The following DLGAP2 variants were observed in gnomAD, a reference collection of about 807,000 sequenced individuals.
DLGAP2 encodes DLG associated protein 2.
In DLGAP2, 26 loss-of-function variants were observed where a neutral mutation model predicts 100.3. The observed-to-expected ratio is 0.26, with a 90% CI of 0.19 to 0.36. DLGAP2 has a LOEUF of 0.36. Ranked by LOEUF, DLGAP2 falls within the 10% of genes least tolerant of loss-of-function variation. The pLI is 1.00. For missense variants in DLGAP2, 1,858 were observed against 1,453.2 expected (o/e 1.28, Z -4.53); for synonymous variants, 886 against 630.1 (o/e 1.41, Z -6.08).
rs998177282 is a variant in DLGAP2 at position 1,544,053 on chromosome 8, C to T, written c.173-4573C>T. On this transcript the variant is annotated intron_variant, in intron 4 of 14. Coordinates refer to ENST00000637795, the MANE Select transcript of DLGAP2 (RefSeq NM_001346810.2). ...AAGTAACTGGGACTACATGTGCCTA[C>T]TACTATGCCTGGCTAATTTTTGTAT... Among the ~76,000 whole-genome samples the T allele has an allele frequency of 2.6e-5, 4 of 152,088 alleles. No homozygotes were observed. In the South Asian group the frequency reaches 6.2e-4, roughly 24 times the overall value.
intron 3 of DLGAP2, among the ~76,000 whole-genome samples, chr8:1,440,521 G>A (rs544983961): frequency 6.6e-6 from 1 of 152,342 alleles, no homozygotes; most frequent in East Asian, 1.9e-4. Flanking sequence ...AGTCTGAGTG[G>A]AATCTGTTAG....
intron 2 of DLGAP2, among the ~76,000 whole-genome samples, chr8:1,204,020 A>G (rs916768400): frequency 2.6e-5 from 4 of 152,232 alleles, no homozygotes; most frequent in African/African-American, 4.8e-5. Flanking sequence ...AGTGCTCTTG[A>G]AACTTCAATG....
Position 796,250 on chromosome 8 carries a change from C to G in DLGAP2, c.18+58425C>G, listed in dbSNP as rs181468093. Among the ~76,000 whole-genome samples the G allele has an allele frequency of 3.3e-3, 510 of 152,270 alleles. 3 individuals carry two copies. The highest frequency in any genetic ancestry group is 0.012 in the African/African-American group (481 of 41,534). On this transcript the variant is annotated intron_variant, in intron 1 of 14. Transcript: ENST00000637795. Reference sequence around the variant, plus strand: ...CAGGTGAATTCACGACCGGGCTCCCCGGTGATGAGCTGACTCTGGTCCCGG... The same window carrying G: ...CAGGTGAATTCACGACCGGGCTCCCGGGTGATGAGCTGACTCTGGTCCCGG...
intron 2 of DLGAP2, among the ~76,000 whole-genome samples, chr8:1,042,975 G>A (rs1432150394): frequency 7.2e-6 from 1 of 138,204 alleles, no homozygotes; most frequent in Non-Finnish European, 1.6e-5. Context: ...GATGTGGGTG[G>A]TGGATGTGGG....
intron 12 of DLGAP2, among the ~76,000 whole-genome samples, chr8:1,683,738 C>T (rs1467946858): frequency 6.8e-6 from 1 of 146,636 alleles, no homozygotes; most frequent in Non-Finnish European, 1.5e-5. Context: ...AGAATCACCT[C>T]GCCATCCTCA....
At chr8:843,742 C>A (rs555781189) in intron 1 of DLGAP2, among the ~76,000 whole-genome samples, 49 of 152,332 alleles carry the variant, frequency 3.2e-4, no homozygotes, top group Admixed American at 3.2e-3. Context: ...GCTGCATTCA[C>A]CACATTCCTC....
chr8:1,701,593 G>A lies in DLGAP2; in HGVS notation c.*187G>A. The A allele has an allele frequency of 3.1e-6, 2 of 638,720 alleles. No homozygotes were observed. The highest frequency in any genetic ancestry group is 5.3e-6 in the Non-Finnish European group (2 of 379,182). The allele number at this position is 638,720 out of a possible 1,614,324, so 39.6% of individuals were successfully genotyped here. ...AGTCCACGGAGCTCGCGGCGAGGAC[G>A]ACTTCTGCTTTTGTTGTTGTTGTTG... On this transcript the variant is annotated 3_prime_UTR_variant, in exon 15 of 15. Coordinates refer to ENST00000637795, the MANE Select transcript of DLGAP2 (RefSeq NM_001346810.2).
At chr8:1,445,606 G>T (rs540024324) in intron 3 of DLGAP2, among the ~76,000 whole-genome samples, 36 of 152,320 alleles carry the variant, frequency 2.4e-4, no homozygotes, top group African/African-American at 7.9e-4. Context: ...TATATACCCA[G>T]TAATGGGATG....
chr8:1,652,102 G>C (rs1006102780), intron 8 of DLGAP2, among the ~76,000 whole-genome samples: 1 of 152,218 alleles, frequency 6.6e-6, no homozygotes, highest in Non-Finnish European at 1.5e-5. Flanking sequence ...AGAATTAAGA[G>C]ATATTTGTGT....
At chr8:952,872 T>G (rs1799513152) in intron 2 of DLGAP2, among the ~76,000 whole-genome samples, 1 of 152,214 alleles carries the variant, frequency 6.6e-6, no homozygotes, top group Non-Finnish European at 1.5e-5. Flanking sequence ...ATGAAGAAAA[T>G]GCATTCTCAC....
At chr8:1,177,982 C>A (rs7838311) in intron 2 of DLGAP2, among the ~76,000 whole-genome samples, 34,378 of 152,170 alleles carry the variant, frequency 0.23, 4,066 homozygotes, top group Middle Eastern at 0.36. Flanking sequence ...ACAGCATCTC[C>A]CGGTGAAGGG....
chr8:1,025,988 G>A (rs1801787134), intron 2 of DLGAP2, among the ~76,000 whole-genome samples: 2 of 152,228 alleles, frequency 1.3e-5, no homozygotes, highest in South Asian at 2.1e-4. Flanking sequence ...GGGCTGAGAC[G>A]GTGCCCTGAA....
intron 4 of DLGAP2, among the ~76,000 whole-genome samples, chr8:1,519,367 C>G (rs1164179597): frequency 6.6e-6 from 1 of 152,196 alleles, no homozygotes. Context: ...TCCAGGTTCA[C>G]TGACTGCCCG....
rs1798387478 is a variant in DLGAP2, at chr8:906,680, A to T, written c.19-1232A>T. Among the ~76,000 whole-genome samples, 2 of 152,158 alleles carry T rather than the reference A, an allele frequency of 1.3e-5. 1 individual carries two copies. Among genetic ancestry groups the T allele is most frequent in the South Asian group, 4.1e-4 (2 of 4,828 alleles). Reference sequence around the variant, plus strand: ...TGGCACGGGGCCAGCACCTGACCCCATGGTTATCACAAGGCTTAGCGCCTC... The same window carrying T: ...TGGCACGGGGCCAGCACCTGACCCCTTGGTTATCACAAGGCTTAGCGCCTC... On this transcript the variant is annotated intron_variant, in intron 1 of 14. Coordinates refer to ENST00000637795, the MANE Select transcript of DLGAP2 (RefSeq NM_001346810.2).
chr8:1,587,379 C>T (rs1584958760), intron 6 of DLGAP2, among the ~76,000 whole-genome samples: 1 of 152,230 alleles, frequency 6.6e-6, no homozygotes. Context: ...GGAACTGGCT[C>T]TTGGGTGGAT....
intron 1 of DLGAP2, among the ~76,000 whole-genome samples, chr8:871,500 A>G (rs1797597739): frequency 6.6e-6 from 1 of 152,164 alleles, no homozygotes; most frequent in Admixed American, 6.5e-5. Flanking sequence ...GTTTCTAAAG[A>G]ATTATGTGTG....
intron 3 of DLGAP2, among the ~76,000 whole-genome samples, chr8:1,327,100 G>A (rs775103683): frequency 6.6e-5 from 10 of 152,236 alleles, no homozygotes; most frequent in South Asian, 2.1e-4. Context: ...TGGCCCAGCC[G>A]TCTCCTGAGA....
chr8:1,144,182 CG>C (rs1440275664), intron 2 of DLGAP2, among the ~76,000 whole-genome samples: 1 of 152,202 alleles, frequency 6.6e-6, no homozygotes, highest in Non-Finnish European at 1.5e-5. Context: ...TGGCTTCCAG[CG>C]GGCGCGTTTT....
rs1272038110 is a variant in DLGAP2 at position 840,678 on chromosome 8, G to A, written c.19-67234G>A. The stretch of plus-strand genomic sequence containing the variant: ...TGGATTCTGCGAGCGCGTCCACACG[G>A]TGCACACCTGTATGTCTCCCTACAC... On this transcript the variant is annotated intron_variant, in intron 1 of 14. Transcript: ENST00000637795. Among the ~76,000 whole-genome samples, 4 of 134,318 alleles carry A rather than the reference G, an allele frequency of 3.0e-5. 1 individual carries two copies. Among genetic ancestry groups the A allele is most frequent in the Non-Finnish European group, 6.6e-5 (4 of 60,180 alleles). The allele number at this position is 134,318 out of a possible 152,430, so 88.1% of individuals were successfully genotyped here.
Sources: allele counts gnomAD v4.1 joint callset (sites outside exome capture counted in the v4.1 genomes callset), GRCh38; gene constraint gnomAD v4.1.1; transcripts MANE v1.5; gene names NCBI Gene and HGNC (gene_info 2026-07-23, HGNC 2026-07-21).